EXT1: variants seen among roughly 807,000 people sequenced by gnomAD.
The protein encoded by EXT1 is exostosin glycosyltransferase 1.
EXT1 carries 20 observed loss-of-function variants against 82.5 expected under a neutral mutation model. The ratio of observed to expected loss-of-function variants is 0.24; its 90% CI spans 0.17 to 0.35. The LOEUF is 0.35. Ranked by LOEUF, EXT1 falls within the 10% of genes least tolerant of loss-of-function variation. The pLI, the probability that EXT1 is intolerant of heterozygous loss-of-function variation, is 1.00. For missense variants in EXT1, 757 were observed against 936.5 expected, an observed-to-expected ratio of 0.81 and a Z score of 2.50; for synonymous variants, 348 against 350.8, an observed-to-expected ratio of 0.99 and a Z score of 0.09.
intron 10 of EXT1, 60 bp downstream of exon 10, chr8:117,804,662 A>T: frequency 6.3e-7 from 1 of 1,599,394 alleles, no homozygotes; most frequent in Non-Finnish European, 8.6e-7. Context: ...GTGAGTCCTC[A>T]TTACCTGGGG....
At chr8:118,109,360 TAA>T (rs35438767) in intron 1 of EXT1, among the ~76,000 whole-genome samples, 2 of 138,580 alleles carry the variant, frequency 1.4e-5, no homozygotes, top group African/African-American at 2.7e-5. Flanking sequence ...GGCCCACATT[TAA>T]AAAAAAAAAA....
intron 1 of EXT1, among the ~76,000 whole-genome samples, chr8:117,997,240 T>A (rs911718595): frequency 7.2e-6 from 1 of 138,550 alleles, no homozygotes; most frequent in African/African-American, 2.9e-5. Context: ...GGTATAGTTG[T>A]CATACTATAT....
intron 1 of EXT1, among the ~76,000 whole-genome samples, chr8:118,010,936 T>C (rs977121851): frequency 6.6e-6 from 1 of 152,124 alleles, no homozygotes; most frequent in Non-Finnish European, 1.5e-5. Flanking sequence ...TTTCTGTGGG[T>C]AATTCAACTC....
intron 1 of EXT1, among the ~76,000 whole-genome samples, chr8:118,093,103 ACTAG>A (rs1817550465): frequency 6.6e-6 from 1 of 152,048 alleles, no homozygotes; most frequent in Non-Finnish European, 1.5e-5. Flanking sequence ...AAGTCAGTGA[ACTAG>A]AAGAAAGAAA....
At chr8:118,001,605 T>G (rs1815667688) in intron 1 of EXT1, among the ~76,000 whole-genome samples, 1 of 152,140 alleles carries the variant, frequency 6.6e-6, no homozygotes, top group South Asian at 2.1e-4. Flanking sequence ...ATAAGAAGAA[T>G]AAGATTAAGA....
chr8:118,024,362 T>C (rs1816166357), intron 1 of EXT1, among the ~76,000 whole-genome samples: 1 of 152,126 alleles, frequency 6.6e-6, no homozygotes, highest in South Asian at 2.1e-4. Context: ...ACAACTGTTT[T>C]CCAAAAGGTA....
At chr8:117,993,806 A>G (rs1815483181) in intron 1 of EXT1, among the ~76,000 whole-genome samples, 1 of 152,262 alleles carries the variant, frequency 6.6e-6, no homozygotes, top group African/African-American at 2.4e-5. Flanking sequence ...TGTCCTGGTT[A>G]TCTTGCGGAG....
At chr8:118,054,192 A>G (rs1816759697) in intron 1 of EXT1, among the ~76,000 whole-genome samples, 1 of 152,026 alleles carries the variant, frequency 6.6e-6, no homozygotes, top group Non-Finnish European at 1.5e-5. Flanking sequence ...CATTTCTACC[A>G]TTTTCACCAT....
At chr8:117,929,668 G>T (rs1814014366) in intron 1 of EXT1, among the ~76,000 whole-genome samples, 1 of 152,204 alleles carries the variant, frequency 6.6e-6, no homozygotes, top group South Asian at 2.1e-4. Context: ...GACTGAAGGA[G>T]TATGCCAAAG....
At chr8:117,808,109 T>C (rs1302603146) in intron 8 of EXT1, among the ~76,000 whole-genome samples, 2 of 152,234 alleles carry the variant, frequency 1.3e-5, no homozygotes, top group African/African-American at 2.4e-5. Context: ...CTTCTGAACC[T>C]GCTATAAACC....
rs1813177129 is a variant in EXT1, at chr8:117,887,944, G to A, written c.963-50743C>T. Among the ~76,000 whole-genome samples the A allele has an allele frequency of 3.3e-5, 5 of 151,756 alleles. No individual in the cohort carries two copies. In the South Asian group the frequency reaches 1.0e-3, roughly 32 times the overall value. ...CTACTAAAAATACAAAATTAGCCGGGTGTGGTGGTGCATGCCTGTAATCCC... is the reference window on the plus strand; with the variant it reads ...CTACTAAAAATACAAAATTAGCCGGATGTGGTGGTGCATGCCTGTAATCCC... On this transcript the variant is annotated intron_variant, in intron 1 of 10. Coordinates refer to ENST00000378204, the MANE Select transcript of EXT1 (RefSeq NM_000127.3).
At chr8:117,971,959 TGAC>T (rs1814949980) in intron 1 of EXT1, among the ~76,000 whole-genome samples, 1 of 152,122 alleles carries the variant, frequency 6.6e-6, no homozygotes. Context: ...GAGACCAGCC[TGAC>T]CAACATGGAG....
intron 1 of EXT1, among the ~76,000 whole-genome samples, chr8:118,101,702 G>T (rs376589704): frequency 1.3e-5 from 2 of 152,246 alleles, no homozygotes; most frequent in African/African-American, 4.8e-5. Context: ...GAACAGAGCA[G>T]TGGAGCTTCA....
chr8:118,097,378 T>C (rs1052153496), intron 1 of EXT1, among the ~76,000 whole-genome samples: 2 of 151,868 alleles, frequency 1.3e-5, no homozygotes, highest in South Asian at 2.1e-4. Flanking sequence ...ACCTGGGAGG[T>C]AGGGGTTGCA....
At chr8:117,932,360 G>T (rs17479782) in intron 1 of EXT1, among the ~76,000 whole-genome samples, 1 of 152,118 alleles carries the variant, frequency 6.6e-6, no homozygotes, top group African/African-American at 2.4e-5. Context: ...AATCTGAAAA[G>T]ATATTTTGTT....
intron 1 of EXT1, among the ~76,000 whole-genome samples, chr8:117,899,903 T>A (rs1813410209): frequency 6.6e-6 from 1 of 152,224 alleles, no homozygotes; most frequent in Non-Finnish European, 1.5e-5. Flanking sequence ...AGAGTGGATC[T>A]AAACTCAAAC....
At chr8:117,899,939 C>G (rs1182252535) in intron 1 of EXT1, among the ~76,000 whole-genome samples, 2 of 152,138 alleles carry the variant, frequency 1.3e-5, no homozygotes, top group Non-Finnish European at 1.5e-5. Context: ...AAAAGAGCCC[C>G]CTGATGAGCT....
chr8:117,923,525 G>A (rs1048210686), intron 1 of EXT1, among the ~76,000 whole-genome samples: 2 of 151,186 alleles, frequency 1.3e-5, no homozygotes, highest in South Asian at 2.1e-4. Flanking sequence ...AGACCATCCT[G>A]GCTAACACGG....
chr8:118,110,963 A>G lies in EXT1; in HGVS notation c.84T>C (p.Phe28=), dbSNP rs1817892621. The G allele has an allele frequency of 5.6e-6, 9 of 1,612,336 alleles. No homozygotes were observed. The highest frequency in any genetic ancestry group is 7.6e-6 in the Non-Finnish European group (9 of 1,180,014). The part of the protein sequence containing the change: ...ALLFYFGGLQ[F]RASRSHSRRE... ...TCCGGCTGTGGCTCCTCGATGCCCT[A>G]AACTGCAAGCCTCCGAAATAAAACA... is the stretch of plus-strand genomic sequence containing the variant. Residue 28 remains phenylalanine (F), a synonymous_variant, in exon 1 of 11, where the codon TTT becomes TTC. Coordinates refer to ENST00000378204, the MANE Select transcript of EXT1 (RefSeq NM_000127.3).
Sources: allele counts gnomAD v4.1 joint callset (sites outside exome capture counted in the v4.1 genomes callset), GRCh38; gene constraint gnomAD v4.1.1; transcripts MANE v1.5; gene names NCBI Gene and HGNC (gene_info 2026-07-23, HGNC 2026-07-21).